Variants in PDC observed in about 807,000 individuals in gnomAD.
PDC encodes the protein 33 kDa phototransducing protein.
PDC carries 19 observed loss-of-function variants against 22.2 expected under a neutral mutation model. The ratio of observed to expected loss-of-function variants is 0.86; its 90% confidence interval spans 0.60 to 1.26. The LOEUF is 1.26. Among genes scored for constraint, PDC ranks in the 50% most tolerant of loss-of-function variants. PDC has a pLI of 0.00. For missense variants in PDC, 274 were observed against 286.8 expected (o/e 0.96, Z 0.32); for synonymous variants, 97 against 96.2 (o/e 1.01, Z -0.05).
At chr1:186,455,009 C>T (rs1291464222) in intron 1 of PDC, among the ~76,000 whole-genome samples, 1 of 152,174 alleles carries the variant, frequency 6.6e-6, no homozygotes, top group Admixed American at 6.5e-5. Flanking sequence ...TTCTGCCACT[C>T]TTCTATTTGT....
intron 1 of PDC, among the ~76,000 whole-genome samples, chr1:186,458,996 T>C (rs1213850632): frequency 6.6e-6 from 1 of 152,108 alleles, no homozygotes; most frequent in Non-Finnish European, 1.5e-5. Context: ...ACCCCATCTC[T>C]ACAAAAAGTA....
In PDC at chr1:186,444,343, G is replaced by A; in HGVS notation, c.377C>T (p.Thr126Ile). ...ELETGKQFLE[T>I]IEKELKITTI... ...GGTGATCTTCAGTTCCTTTTCAATT[G>A]TTTCTAGGAATTGCTTTCCAGTTTC... Residue 126 changes from threonine (T) to isoleucine (I), a missense_variant, in exon 4 of 4, where the codon ACA becomes ATA. Physicochemically the swap from Thr to Ile is moderately conservative, Grantham distance 89. Transcript: ENST00000391997. 1 of 1,613,842 alleles carries A rather than the reference G, an allele frequency of 6.2e-7. No individual in the cohort carries two copies. Among genetic ancestry groups the A allele is most frequent in the East Asian group, 2.2e-5 (1 of 44,874 alleles).
chr1:186,445,476 T>C (rs906374712), intron 3 of PDC, among the ~76,000 whole-genome samples: 3 of 152,204 alleles, frequency 2.0e-5, no homozygotes, highest in African/African-American at 4.8e-5. Context: ...TATATTTGTT[T>C]CCCTAATGTC....
At chr1:186,450,891 C>T (rs1435870309) in intron 1 of PDC, among the ~76,000 whole-genome samples, 2 of 152,136 alleles carry the variant, frequency 1.3e-5, no homozygotes, top group South Asian at 2.1e-4. Context: ...ATATACTAAT[C>T]GTAGATAAAC....
At chr1:186,460,881 A>G (rs1254145181) in intron 1 of PDC, among the ~76,000 whole-genome samples, 178 bp downstream of exon 1, 1 of 152,232 alleles carries the variant, frequency 6.6e-6, no homozygotes, top group Non-Finnish European at 1.5e-5. Flanking sequence ...GGTGGAAATC[A>G]CTGAAAGAGA....
chr1:186,450,359 C>A (rs1662326234), intron 1 of PDC, among the ~76,000 whole-genome samples: 1 of 151,796 alleles, frequency 6.6e-6, no homozygotes, highest in African/African-American at 2.4e-5. Flanking sequence ...GAGAGAGGGT[C>A]TAACTCTGTC....
chr1:186,458,072 C>T (rs1170869374), intron 1 of PDC, among the ~76,000 whole-genome samples: 2 of 151,850 alleles, frequency 1.3e-5, no homozygotes, highest in African/African-American at 2.4e-5. Flanking sequence ...GTCAGGAATG[C>T]ATAGCAAATA....
intron 1 of PDC, among the ~76,000 whole-genome samples, chr1:186,460,102 C>T (rs1397150228): frequency 6.6e-6 from 1 of 152,156 alleles, no homozygotes; most frequent in African/African-American, 2.4e-5. Flanking sequence ...GCCACAACAA[C>T]ATACTACTAA....
In PDC at chr1:186,444,051, T is replaced by C; in HGVS notation, c.669A>G (p.Glu223=). 2 of 1,612,994 alleles carry C rather than the reference T, an allele frequency of 1.2e-6. No homozygotes were observed. The highest frequency in any genetic ancestry group is 1.7e-6 in the Non-Finnish European group (2 of 1,178,942). ...CCTCTCTTTCAGGTAGTAACCCATA[T>C]TCATTTAGGAAAGACTCCACATCCC... ...FAGDVESFLN[E]YGLLPEREVH... Residue 223 remains glutamate, a synonymous_variant, in exon 4 of 4, where the codon GAA becomes GAG. Coordinates refer to ENST00000391997, the MANE Select transcript of PDC (RefSeq NM_002597.5).
chr1:186,445,956 G>A (rs908169740), intron 3 of PDC, among the ~76,000 whole-genome samples: 17 of 152,130 alleles, frequency 1.1e-4, no homozygotes, highest in African/African-American at 4.1e-4. Flanking sequence ...GCATTTATAT[G>A]AAAACTTGTT....
chr1:186,460,282 A>G (rs1384895852), intron 1 of PDC, among the ~76,000 whole-genome samples: 3 of 152,310 alleles, frequency 2.0e-5, no homozygotes, highest in African/African-American at 7.2e-5. Context: ...CAGTGTACTG[A>G]GTAGCTTGAT....
intron 3 of PDC, among the ~76,000 whole-genome samples, chr1:186,445,727 G>T (rs1662213377): frequency 6.6e-6 from 1 of 152,084 alleles, no homozygotes; most frequent in Non-Finnish European, 1.5e-5. Context: ...CCAGGAGGTA[G>T]GGGTTGCAGT....
chr1:186,445,962 T>C (rs545982824), intron 3 of PDC, among the ~76,000 whole-genome samples: 10 of 152,228 alleles, frequency 6.6e-5, no homozygotes, highest in Non-Finnish European at 1.5e-4. Flanking sequence ...ATATGAAAAC[T>C]TGTTTCATTC....
chr1:186,452,759 G>A (rs1662378437), intron 1 of PDC, among the ~76,000 whole-genome samples: 2 of 152,212 alleles, frequency 1.3e-5, no homozygotes, highest in South Asian at 4.2e-4. Context: ...AATGACAATA[G>A]GATTATTACA....
chr1:186,456,730 A>G (rs1190865736), intron 1 of PDC, among the ~76,000 whole-genome samples: 1 of 152,250 alleles, frequency 6.6e-6, no homozygotes. Context: ...ACTGTTTCAG[A>G]GAAGGTGCTG....
Position 186,445,282 on chromosome 1 carries a change from G to A in PDC, c.214-776C>T, listed in dbSNP as rs956069348. On this transcript the variant is annotated intron_variant, in intron 3 of 3. Coordinates refer to ENST00000391997, the MANE Select transcript of PDC (RefSeq NM_002597.5). ...TAAAGTAGAGGAGAATTGAGAACAC[G>A]TGAAACTAATGTTTATGAAAAACAT... is the stretch of plus-strand genomic sequence containing the variant. 1.6e-4 allele frequency among the ~76,000 whole-genome samples: 25 copies of A among 152,144 alleles called. 1 individual carries two copies. The highest frequency in any genetic ancestry group is 1.2e-3 in the Admixed American group (19 of 15,270).
At chr1:186,445,310 C>T (rs970450439) in intron 3 of PDC, among the ~76,000 whole-genome samples, 7 of 152,050 alleles carry the variant, frequency 4.6e-5, no homozygotes, top group Non-Finnish European at 8.8e-5. Context: ...AAAAACATAC[C>T]AGGTGTTGGG....
chr1:186,449,234 TG>T (rs1371386919), intron 2 of PDC, among the ~76,000 whole-genome samples, 164 bp downstream of exon 2: 2 of 152,162 alleles, frequency 1.3e-5, no homozygotes. Context: ...AGGAATTATT[TG>T]ATTTCAAAAA....
chr1:186,456,824 G>T (rs75391486), intron 1 of PDC, among the ~76,000 whole-genome samples: 7,016 of 152,200 alleles, frequency 0.046, 530 homozygotes, highest in African/African-American at 0.16. Flanking sequence ...GAAGTGAAAT[G>T]CCTCTTAAAT....
Sources: gnomAD v4.1 joint callset for allele counts (sites outside exome capture counted in the v4.1 genomes callset) on GRCh38, gnomAD v4.1.1 for gene constraint, MANE v1.5 for transcripts, NCBI Gene and HGNC (gene_info 2026-07-23, HGNC 2026-07-21) for gene names.